The following TNFSF11 variants were observed in gnomAD, a reference collection of about 807,000 sequenced individuals.
TNFSF11 encodes TNF superfamily member 11.
TNFSF11 carries 12 observed loss-of-function variants against 32.2 expected under a neutral mutation model. The ratio of observed to expected loss-of-function variants is 0.37; its 90% CI spans 0.24 to 0.60. TNFSF11 has a LOEUF of 0.60. TNFSF11 is among the 20% of genes least tolerant of loss of function. The probability of loss-of-function intolerance (pLI) is 0.66; values close to 1 mark genes in which losing one functional copy is unlikely to be tolerated. For missense variants in TNFSF11, 345 were observed against 398.0 expected (o/e 0.87, Z 1.13); for synonymous variants, 172 against 152.1 (o/e 1.13, Z -0.96).
At chr13:42,605,300 A>G (rs1310859524) in intron 4 of TNFSF11, among the ~76,000 whole-genome samples, 1 of 151,946 alleles carries the variant, frequency 6.6e-6, no homozygotes, top group Admixed American at 6.6e-5. Context: ...CTGAGACTCA[A>G]CTCTGCTTTG....
At chr13:42,589,002 T>C (rs919590894) in intron 2 of TNFSF11, among the ~76,000 whole-genome samples, 6 of 152,214 alleles carry the variant, frequency 3.9e-5, no homozygotes, top group African/African-American at 1.4e-4. Context: ...GCTACTCCTG[T>C]CCTCAGTCTT....
chr13:42,563,458 T>C (rs956235561), intron 1 of TNFSF11, among the ~76,000 whole-genome samples: 5 of 151,720 alleles, frequency 3.3e-5, no homozygotes, highest in African/African-American at 1.2e-4. Context: ...AGGTCAAGAG[T>C]TCAAGACCAG....
intron 2 of TNFSF11, among the ~76,000 whole-genome samples, chr13:42,584,451 A>G (rs6561061): frequency 0.81 from 123,053 of 152,180 alleles, 49,938 homozygotes; most frequent in South Asian, 0.88. Flanking sequence ...TTAACACTTA[A>G]TGTGGCTTCA....
chr13:42,591,732 G>A (rs984914148), intron 2 of TNFSF11, among the ~76,000 whole-genome samples: 1 of 152,176 alleles, frequency 6.6e-6, no homozygotes, highest in African/African-American at 2.4e-5. Flanking sequence ...CTGGGGCAGC[G>A]ATACTAAAGC....
chr13:42,564,385 C>T lies in TNFSF11; in HGVS notation c.-302+1422C>T, dbSNP rs527999291. Among the ~76,000 whole-genome samples the T allele has an allele frequency of 2.4e-4, 37 of 152,128 alleles. 1 individual carries two copies. In the South Asian group the frequency reaches 3.9e-3, roughly 16 times the overall value. ...GAGTTCGAGACCAGCCTGACCAATA[C>T]GGAGAAACCTCGTCTCTACTAAAAA... On this transcript the variant is annotated intron_variant, in intron 1 of 6. Coordinates refer to the TNFSF11 transcript ENST00000358545.
rs1344316168 is a variant in TNFSF11 at position 42,588,249 on chromosome 13, C to T, written c.387+6956C>T. Among the ~76,000 whole-genome samples the T allele has an allele frequency of 3.2e-4, 48 of 152,212 alleles. 1 individual carries two copies. The highest frequency in any genetic ancestry group is 2.1e-3 in the Admixed American group (32 of 15,288). On this transcript the variant is annotated intron_variant, in intron 2 of 4. Transcript: ENST00000398795. ...AACCAAGGCCATCTATTGGCTTTAG[C>T]TCAACAATAAGTTATTGGCTTGTAC...
At chr13:42,602,022 T>C (rs970672066) in intron 4 of TNFSF11, among the ~76,000 whole-genome samples, 3 of 152,206 alleles carry the variant, frequency 2.0e-5, no homozygotes, top group Non-Finnish European at 2.9e-5. Context: ...CACAAGGTAC[T>C]TGTGGTCAGT....
intron 2 of TNFSF11, among the ~76,000 whole-genome samples, chr13:42,599,127 G>T (rs557938859): frequency 6.6e-6 from 1 of 152,166 alleles, no homozygotes; most frequent in Non-Finnish European, 1.5e-5. Flanking sequence ...AGAGTCAGCC[G>T]CACTGTGACT....
At chr13:42,598,129 G>A (rs1215731178) in intron 2 of TNFSF11, among the ~76,000 whole-genome samples, 2 of 152,192 alleles carry the variant, frequency 1.3e-5, no homozygotes, top group African/African-American at 4.8e-5. Flanking sequence ...TTACAAGCAT[G>A]AGCCATCATG....
At chr13:42,579,968 A>G (rs1050378524) in intron 1 of TNFSF11, among the ~76,000 whole-genome samples, 1 of 152,056 alleles carries the variant, frequency 6.6e-6, no homozygotes, top group Non-Finnish European at 1.5e-5. Flanking sequence ...TCAGATATGG[A>G]TAGGCTCTTT....
intron 2 of TNFSF11, among the ~76,000 whole-genome samples, chr13:42,590,951 T>C (rs1037540640): frequency 1.3e-5 from 2 of 152,362 alleles, no homozygotes; most frequent in East Asian, 3.9e-4. Context: ...GTAGAGGACA[T>C]GAACTGTTTG....
chr13:42,599,186 G>A (rs1356844981), intron 2 of TNFSF11, among the ~76,000 whole-genome samples: 3 of 152,122 alleles, frequency 2.0e-5, no homozygotes, highest in African/African-American at 7.2e-5. Context: ...CTCCTCCAAC[G>A]GTCATTAAAA....
intron 2 of TNFSF11, among the ~76,000 whole-genome samples, chr13:42,581,889 C>A (rs1029915241): frequency 6.6e-6 from 1 of 152,218 alleles, no homozygotes; most frequent in African/African-American, 2.4e-5. Context: ...AGACCAATGA[C>A]TTCTCTTACA....
At chr13:42,583,570 A>G (rs1013570459) in intron 2 of TNFSF11, among the ~76,000 whole-genome samples, 5 of 151,966 alleles carry the variant, frequency 3.3e-5, no homozygotes, top group African/African-American at 1.2e-4. Flanking sequence ...GATTGACAAA[A>G]TTTTGCACTA....
At chr13:42,592,565 A>G (rs1342718908) in intron 2 of TNFSF11, among the ~76,000 whole-genome samples, 2 of 152,212 alleles carry the variant, frequency 1.3e-5, no homozygotes, top group Non-Finnish European at 2.9e-5. Flanking sequence ...GCTCAAGCCC[A>G]CTGTTGAGAG....
intron 2 of TNFSF11, among the ~76,000 whole-genome samples, chr13:42,592,309 G>A (rs1163984538): frequency 6.6e-6 from 1 of 152,164 alleles, no homozygotes; most frequent in African/African-American, 2.4e-5. Flanking sequence ...GCTACAAATC[G>A]GGGGTTCCCA....
chr13:42,569,871 T>C (rs1872999776), upstream of TNFSF11, among the ~76,000 whole-genome samples: 3 of 152,192 alleles, frequency 2.0e-5, no homozygotes, highest in South Asian at 4.1e-4. Context: ...ATCAGGCCAA[T>C]TGTAGAGATG....
intron 2 of TNFSF11, among the ~76,000 whole-genome samples, chr13:42,581,930 A>G (rs1873637073): frequency 6.6e-6 from 1 of 152,214 alleles, no homozygotes; most frequent in African/African-American, 2.4e-5. Context: ...ACACTGTAAT[A>G]ACTGCCAGTT....
At chr13:42,582,185 A>G (rs1247055503) in intron 2 of TNFSF11, among the ~76,000 whole-genome samples, 2 of 152,220 alleles carry the variant, frequency 1.3e-5, no homozygotes, top group Non-Finnish European at 2.9e-5. Flanking sequence ...ATTTAATTCT[A>G]ATGTAGTTTA....
Sources: gnomAD v4.1 joint callset for allele counts (sites outside exome capture counted in the v4.1 genomes callset) on GRCh38, gnomAD v4.1.1 for gene constraint, MANE v1.5 for transcripts, NCBI Gene and HGNC (gene_info 2026-07-23, HGNC 2026-07-21) for gene names.